The following AP3B1 variants were observed in gnomAD, a reference collection of about 807,000 sequenced individuals.
The protein encoded by AP3B1 is AP-3 complex subunit beta-1.
AP3B1 carries 61 observed loss-of-function variants against 132.5 expected under a neutral mutation model. The observed-to-expected ratio is 0.46, with a 90% CI of 0.37 to 0.57. The LOEUF (loss-of-function observed/expected upper bound fraction) is 0.57. AP3B1 is among the 20% of genes least tolerant of loss of function. AP3B1 has a pLI of 0.00. For synonymous variants in AP3B1, 388 were observed against 438.3 expected (o/e 0.89, Z 1.43); for missense variants, 1,120 against 1,289.4 (o/e 0.87, Z 2.01).
intron 22 of AP3B1, among the ~76,000 whole-genome samples, chr5:78,087,254 G>A (rs958396737): frequency 6.6e-6 from 1 of 152,094 alleles, no homozygotes; most frequent in African/African-American, 2.4e-5. Flanking sequence ...AGCATTATAT[G>A]GGAGTTGTAA....
chr5:78,153,926 T>C (rs1418267957), intron 14 of AP3B1, among the ~76,000 whole-genome samples: 2 of 152,060 alleles, frequency 1.3e-5, no homozygotes, highest in East Asian at 3.8e-4. Context: ...GTTGTCATAG[T>C]TATGTTTAAT....
chr5:78,122,288 A>G (rs1038285962), intron 17 of AP3B1, among the ~76,000 whole-genome samples: 10 of 152,264 alleles, frequency 6.6e-5, no homozygotes, highest in African/African-American at 1.7e-4. Context: ...AACTGGCACA[A>G]GACAGGGATG....
chr5:78,003,056 C>T lies in AP3B1; in HGVS notation c.3132-1G>A. 6.2e-7 allele frequency: 1 copy of T among 1,613,962 alleles called. No homozygotes were observed. Among genetic ancestry groups the T allele is most frequent in the Non-Finnish European group, 8.5e-7 (1 of 1,179,960 alleles). On this transcript the variant is annotated splice_acceptor_variant, in intron 26 of 26. Coordinates refer to ENST00000255194, the MANE Select transcript of AP3B1 (RefSeq NM_003664.5). LOFTEE classifies it high-confidence loss of function. ...ACTGTGCACAGTTTTAGCTGCAAAC[C>T]TGGAAGAGAAAAAAGAGAGACCTTT...
intron 22 of AP3B1, among the ~76,000 whole-genome samples, chr5:78,039,603 G>A (rs939952398): frequency 7.9e-5 from 12 of 151,856 alleles, no homozygotes; most frequent in Non-Finnish European, 1.5e-5. Context: ...GTGAAACTCC[G>A]TCTCTACTAA....
At chr5:78,208,567 A>G (rs1056566646) in intron 7 of AP3B1, among the ~76,000 whole-genome samples, 11 of 152,156 alleles carry the variant, frequency 7.2e-5, no homozygotes, top group African/African-American at 2.7e-4. Context: ...CAATTTCCAG[A>G]TGTGGACCCA....
At chr5:78,070,739 A>G (rs1749501411) in intron 22 of AP3B1, among the ~76,000 whole-genome samples, 1 of 152,162 alleles carries the variant, frequency 6.6e-6, no homozygotes, top group African/African-American at 2.4e-5. Flanking sequence ...AAAAACATTA[A>G]AAAGTGGGCA....
chr5:78,147,256 C>G (rs1211299410), intron 14 of AP3B1, among the ~76,000 whole-genome samples: 2 of 151,762 alleles, frequency 1.3e-5, no homozygotes, highest in East Asian at 1.9e-4. Flanking sequence ...TTATAATGTT[C>G]CTTTTTATCT....
At chr5:78,056,803 G>T (rs1748833178) in intron 22 of AP3B1, among the ~76,000 whole-genome samples, 1 of 152,144 alleles carries the variant, frequency 6.6e-6, no homozygotes, top group Non-Finnish European at 1.5e-5. Flanking sequence ...GTTGTTAAAA[G>T]AATATATAGT....
intron 22 of AP3B1, among the ~76,000 whole-genome samples, chr5:78,083,175 T>A (rs1750090529): frequency 6.6e-6 from 1 of 152,146 alleles, no homozygotes; most frequent in Non-Finnish European, 1.5e-5. Flanking sequence ...AAAAACATAA[T>A]CTTAAATAGT....
At chr5:78,171,539 T>A (rs1743916927) in intron 11 of AP3B1, among the ~76,000 whole-genome samples, 3 of 152,224 alleles carry the variant, frequency 2.0e-5, no homozygotes, top group South Asian at 4.1e-4. Flanking sequence ...TTTCTGTTTG[T>A]CTGTTCTTGG....
chr5:78,104,114 A>G (rs1751237898), intron 20 of AP3B1, among the ~76,000 whole-genome samples: 1 of 152,188 alleles, frequency 6.6e-6, no homozygotes, highest in African/African-American at 2.4e-5. Context: ...TTTGAAATCA[A>G]CAAGAAGTCA....
chr5:78,003,988 A>G (rs925272467), intron 26 of AP3B1, among the ~76,000 whole-genome samples: 2 of 151,988 alleles, frequency 1.3e-5, no homozygotes, highest in Non-Finnish European at 2.9e-5. Context: ...TTTTTGGGGG[A>G]GGGGGTTTGA....
At chr5:78,051,647 C>T (rs1471903464) in intron 22 of AP3B1, among the ~76,000 whole-genome samples, 1 of 152,056 alleles carries the variant, frequency 6.6e-6, no homozygotes, top group Non-Finnish European at 1.5e-5. Context: ...ATGCTTTAAT[C>T]CACATTTAGT....
intron 22 of AP3B1, among the ~76,000 whole-genome samples, chr5:78,076,016 A>G (rs1028002567): frequency 2.0e-5 from 3 of 152,264 alleles, no homozygotes; most frequent in Non-Finnish European, 4.4e-5. Flanking sequence ...AAATATTGAA[A>G]GTAACTCTTT....
At chr5:78,143,350 A>G (rs1045490716) in intron 14 of AP3B1, among the ~76,000 whole-genome samples, 30 of 152,300 alleles carry the variant, frequency 2.0e-4, no homozygotes, top group Non-Finnish European at 4.3e-4. Context: ...AAAATCAATA[A>G]ATCACAATGC....
chr5:78,097,355 G>A (rs1207294506), intron 21 of AP3B1, among the ~76,000 whole-genome samples: 8 of 133,356 alleles, frequency 6.0e-5, no homozygotes, highest in Non-Finnish European at 1.2e-4. Context: ...CCCCCTGCCC[G>A]GCCAGCCGCC....
intron 20 of AP3B1, among the ~76,000 whole-genome samples, chr5:78,105,093 T>C (rs1408583522): frequency 6.6e-6 from 1 of 152,198 alleles, no homozygotes. Flanking sequence ...ATATAGTTTA[T>C]GTAATTAAAA....
chr5:78,250,013 A>C (rs1747562734), intron 2 of AP3B1, among the ~76,000 whole-genome samples: 1 of 152,222 alleles, frequency 6.6e-6, no homozygotes, highest in African/African-American at 2.4e-5. Context: ...AAATTTCAAC[A>C]AATTTCTGCA....
chr5:78,049,668 G>A (rs181870929), intron 22 of AP3B1, among the ~76,000 whole-genome samples: 4 of 152,222 alleles, frequency 2.6e-5, no homozygotes, highest in African/African-American at 7.2e-5. Context: ...TGGCCAGCCC[G>A]GTCTGAGCCA....
Sources: gnomAD v4.1 joint callset for allele counts (sites outside exome capture counted in the v4.1 genomes callset) on GRCh38, gnomAD v4.1.1 for gene constraint, MANE v1.5 for transcripts, NCBI Gene and HGNC (gene_info 2026-07-23, HGNC 2026-07-21) for gene names.